Variants in CREBZF observed in about 807,000 individuals in gnomAD.
CREBZF encodes HCF-binding transcription factor Zhangfei.
Under a neutral mutation model 21.1 loss-of-function variants are expected in CREBZF, and 8 were observed. That is an observed-to-expected ratio of 0.38 (90% CI 0.22 to 0.68). The LOEUF (loss-of-function observed/expected upper bound fraction) is 0.68, where lower values mean the gene tolerates loss of function less well. Ranked by LOEUF, CREBZF falls within the 30% of genes least tolerant of loss-of-function variation. The probability of loss-of-function intolerance (pLI) is 0.51; values close to 1 mark genes in which losing one functional copy is unlikely to be tolerated. For missense variants in CREBZF, 518 were observed against 484.3 expected (o/e 1.07, Z -0.65); for synonymous variants, 270 against 223.3 (o/e 1.21, Z -1.86).
In CREBZF at chr11:85,664,332, CGCTGCCACTGTCACT is replaced by C. The variant is rs2082786604; in HGVS notation, c.529_543del (p.Ser177_Ser181del). 6.2e-7 allele frequency: 1 copy of C among 1,612,144 alleles called. No homozygotes were observed. The highest frequency in any genetic ancestry group is 1.3e-5 in the African/African-American group (1 of 74,864). ...GGGGACTTTCTCCGCCTCTTTTCGG[CGCTGCCACTGTCACT>C]GCTGCTGCTGCAGCCTCCGATACCG... On this transcript the variant is annotated inframe_deletion, in exon 1 of 1. Transcript: ENST00000527447. The surrounding 1 kb of genome is among the most constrained non-coding windows in gnomAD (Gnocchi z 5.5).
intron 1 of CREBZF, among the ~76,000 whole-genome samples, chr11:85,676,898 C>G (rs2082945917): frequency 6.7e-6 from 1 of 149,488 alleles, no homozygotes; most frequent in African/African-American, 2.5e-5. Context: ...CTTGCCTCGG[C>G]CTCCCAAAGT....
chr11:85,658,740 C>G lies in CREBZF; in HGVS notation c.*5071G>C, dbSNP rs186475019. On this transcript the variant is annotated 3_prime_UTR_variant, in exon 1 of 1. Transcript: ENST00000527447. ...ATAGTACACTAAGAGCCAGAGGGGT[C>G]TAGGGAATTGATCTCAGTGGGTATA... Among the ~76,000 whole-genome samples the G allele has an allele frequency of 1.4e-4, 21 of 151,370 alleles. No individual in the cohort carries two copies. The highest frequency in any genetic ancestry group is 8.5e-4 in the Admixed American group (13 of 15,206).
upstream of CREBZF, among the ~76,000 whole-genome samples, chr11:85,669,109 C>T (rs2082893718): frequency 1.4e-5 from 2 of 143,080 alleles, no homozygotes; most frequent in Admixed American, 1.4e-4. Flanking sequence ...TATTAAATGA[C>T]TTGCAGCATG....
Position 85,664,032 on chromosome 11 carries a change from T to C in CREBZF, c.844A>G (p.Ser282Gly). 3 of 1,613,062 alleles carry C rather than the reference T, an allele frequency of 1.9e-6. No individual in the cohort carries two copies. Among genetic ancestry groups the C allele is most frequent in the Non-Finnish European group, 2.5e-6 (3 of 1,179,946 alleles). The change falls in exon 1 of 1, where the codon AGC becomes GGC. Residue 282 changes from serine (S) to glycine (G), a missense_variant. Ser to Gly is a moderately conservative substitution (Grantham distance 56). Transcript: ENST00000527447. This position sits in a 1 kb window ranked among gnomAD's most constrained non-coding sequence, Gnocchi z 5.5. ...CGCAGTCCCACGCCGCTCAGCCGGC[T>C]CAGCAAGCGAGCCAGTCCAGTCTCG... ...ANETGLARLL[S>G]RLSGVGLRLT...
chr11:85,665,203 G>A, upstream of CREBZF: 1 of 333,888 alleles, frequency 3.0e-6, no homozygotes, highest in Non-Finnish European at 5.7e-6. Context: ...ATTTCAGGGT[G>A]CTTTAGAGTG....
chr11:85,681,684 C>T (rs2082977103), intron 1 of CREBZF, among the ~76,000 whole-genome samples: 1 of 152,202 alleles, frequency 6.6e-6, no homozygotes, highest in Admixed American at 6.5e-5. Context: ...CAGAAAAATT[C>T]AGCAGGGATA....
At chr11:85,679,457 T>C (rs895549145) in intron 1 of CREBZF, among the ~76,000 whole-genome samples, 7 of 152,232 alleles carry the variant, frequency 4.6e-5, no homozygotes, top group African/African-American at 1.7e-4. Flanking sequence ...AGTGAATGAG[T>C]TAGCAATTAG....
Position 85,673,073 on chromosome 11 carries a change from G to C in CREBZF, n.148-9472C>G, listed in dbSNP as rs75753044. ...CAGAGGAGTCTGGCAAATATAGTTT[G>C]CTTTTGTGTTTCTTTTGTTTCAGCT... On this transcript the variant is annotated intron_variant and non_coding_transcript_variant, in intron 1 of 3. Transcript: ENST00000531515. Among the ~76,000 whole-genome samples the C allele has an allele frequency of 4.3e-3, 657 of 152,248 alleles. 2 individuals carry two copies. Among genetic ancestry groups the C allele is most frequent in the Middle Eastern group, 0.01 (3 of 294 alleles).
At position 85,664,597 on chromosome 11, in the gene CREBZF, C is replaced by T; in HGVS notation, c.279G>A (p.Gly93=). 2.5e-6 allele frequency: 4 copies of T among 1,613,842 alleles called. No individual in the cohort carries two copies. Among genetic ancestry groups the T allele is most frequent in the Non-Finnish European group, 3.4e-6 (4 of 1,179,944 alleles). The change falls in exon 1 of 1, where the codon GGG becomes GGA. Residue 93 remains glycine, a synonymous_variant. Coordinates refer to ENST00000527447, the MANE Select transcript of CREBZF (RefSeq NM_001039618.4). The surrounding 1 kb of genome is among the most constrained non-coding windows in gnomAD (Gnocchi z 5.5). ...MEEEAIASLP[G]EETEDMDFLS... is the part of the protein sequence containing the mutation. ...GAAAGTCCATATCCTCCGTCTCTTC[C>T]CCCGGGAGGCTGGCGATCGCCTCCT... is the stretch of plus-strand genomic sequence containing the variant.
chr11:85,664,274 TCGTTA>T lies in CREBZF; in HGVS notation c.597_601del (p.Asn200GlnfsTer20). The stretch of plus-strand genomic sequence containing the variant: ...ACTCTTTGTCGCCGCCTGGTTGTTG[TCGTTA>T]CCGCTGCCGCCACCGCCGCCTCCTC... On this transcript the variant is annotated frameshift_variant, in exon 1 of 1. Coordinates refer to ENST00000527447, the MANE Select transcript of CREBZF (RefSeq NM_001039618.4). LOFTEE classifies it high-confidence loss of function. This position sits in a 1 kb window ranked among gnomAD's most constrained non-coding sequence, Gnocchi z 5.5. The T allele has an allele frequency of 6.2e-7, 1 of 1,612,528 alleles. No individual in the cohort carries two copies.
Position 85,664,441 on chromosome 11 carries a change from C to T in CREBZF, c.435G>A (p.Gly145=). The T allele has an allele frequency of 1.9e-6, 3 of 1,613,760 alleles. No individual in the cohort carries two copies. Among genetic ancestry groups the T allele is most frequent in the East Asian group, 2.2e-5 (1 of 44,858 alleles). ...GGSDSGGLWR[G]DDDDEAAAAE... is the part of the protein sequence containing the mutation. ...CAGCCGCGGCCTCATCGTCATCGTC[C>T]CCTCTCCACAGGCCGCCGCTATCCG... is the stretch of plus-strand genomic sequence containing the variant. The change falls in exon 1 of 1, where the codon GGG becomes GGA. Residue 145 remains glycine, a synonymous_variant. Transcript: ENST00000527447. This position sits in a 1 kb window ranked among gnomAD's most constrained non-coding sequence, Gnocchi z 5.5.
rs371135931 is a variant in CREBZF at position 85,665,103 on chromosome 11, AC to A, written c.-229del. On this transcript the variant is annotated 5_prime_UTR_variant, in exon 1 of 1. Coordinates refer to ENST00000527447, the MANE Select transcript of CREBZF (RefSeq NM_001039618.4). ...GGCCCTGCGATGACTCGACCGCGCC[AC>A]CCAGACAACGGCGTAGCCGGAAGTC... 9.5e-4 allele frequency: 398 copies of A among 419,778 alleles called. 1 individual carries two copies. The highest frequency in any genetic ancestry group is 7.5e-3 in the South Asian group (67 of 8,888). The allele number at this position is 419,778 out of a possible 1,614,324, so 26.0% of individuals were successfully genotyped here.
rs2082567567 is a variant in CREBZF, at chr11:85,658,075, C to G, written c.*5736G>C. On this transcript the variant is annotated 3_prime_UTR_variant, in exon 1 of 1. Transcript: ENST00000527447. ...TCTGATCCCAAATCATCCATTTTAC[C>G]TATATTCTGTCACTTTTACTAAAAG... Among the ~76,000 whole-genome samples the G allele has an allele frequency of 6.6e-6, 1 of 151,844 alleles. No homozygotes were observed. Among genetic ancestry groups the G allele is most frequent in the African/African-American group, 2.4e-5 (1 of 41,392 alleles).
chr11:85,678,466 T>A (rs1303577833), intron 1 of CREBZF, among the ~76,000 whole-genome samples: 2 of 152,212 alleles, frequency 1.3e-5, no homozygotes, highest in Non-Finnish European at 2.9e-5. Context: ...AATACCTGCA[T>A]TTAAGTCTTG....
exon 1 of CREBZF, chr11:85,682,753 C>T (rs1176581237): frequency 1.3e-5 from 9 of 699,904 alleles, no homozygotes; most frequent in Non-Finnish European, 2.3e-5. Flanking sequence ...AACCGTCCGG[C>T]CTCTGCCCAT....
At chr11:85,677,486 A>G (rs2082950054) in intron 1 of CREBZF, among the ~76,000 whole-genome samples, 1 of 152,026 alleles carries the variant, frequency 6.6e-6, no homozygotes, top group African/African-American at 2.4e-5. Context: ...CCTTTCCCAA[A>G]TGCCTTTTGT....
Position 85,663,087 on chromosome 11 carries a change from CA to C in CREBZF, c.*723del. 5.6e-6 allele frequency: 1 copy of C among 178,480 alleles called. No individual in the cohort carries two copies. Among genetic ancestry groups the C allele is most frequent in the Non-Finnish European group, 1.2e-5 (1 of 82,968 alleles). The allele number at this position is 178,480 out of a possible 1,614,324, so 11.1% of individuals were successfully genotyped here. ...ATAACTATCACATTTGTGCATGCCC[CA>C]AATACTTAACTGTCAACCTCTGAAA... On this transcript the variant is annotated 3_prime_UTR_variant, in exon 1 of 1. Transcript: ENST00000527447.
At chr11:85,679,717 G>A (rs927850013) in intron 1 of CREBZF, among the ~76,000 whole-genome samples, 2 of 152,212 alleles carry the variant, frequency 1.3e-5, no homozygotes, top group Non-Finnish European at 2.9e-5. Context: ...AAAAGATATT[G>A]TCATTAGCCA....
At chr11:85,674,951 C>T (rs886237048) in intron 1 of CREBZF, among the ~76,000 whole-genome samples, 1 of 152,226 alleles carries the variant, frequency 6.6e-6, no homozygotes, top group African/African-American at 2.4e-5. Context: ...CTGCTAGCTT[C>T]CAGCTTTTCT....
Sources: gnomAD v4.1 joint callset for allele counts (sites outside exome capture counted in the v4.1 genomes callset) on GRCh38, gnomAD v4.1.1 for gene constraint, Gnocchi (gnomAD v3.1) non-coding constraint, MANE v1.5 for transcripts, NCBI Gene and HGNC (gene_info 2026-07-23, HGNC 2026-07-21) for gene names.